KCTD1: variants seen among roughly 807,000 people sequenced by gnomAD.
KCTD1 encodes the protein BTB/POZ domain-containing protein KCTD1.
Under a neutral mutation model 66.0 loss-of-function variants are expected in KCTD1, and 24 were observed. The observed-to-expected ratio is 0.36, with a 90% CI of 0.26 to 0.51. KCTD1 has a LOEUF of 0.51. Ranked by LOEUF, KCTD1 falls within the 20% of genes least tolerant of loss-of-function variation. The probability of loss-of-function intolerance (pLI) is 0.95; values close to 1 mark genes in which losing one functional copy is unlikely to be tolerated. For synonymous variants in KCTD1, 511 were observed against 517.2 expected (o/e 0.99, Z 0.16); for missense variants, 943 against 1,205.2 (o/e 0.78, Z 3.22).
intron 2 of KCTD1, among the ~76,000 whole-genome samples, chr18:26,478,699 G>A (rs905398388): frequency 1.3e-5 from 2 of 152,228 alleles, no homozygotes; most frequent in African/African-American, 4.8e-5. Context: ...AGTGCGGAAT[G>A]AGAATGGGGT....
At chr18:26,519,881 A>G (rs1313055731) in intron 1 of KCTD1, among the ~76,000 whole-genome samples, 1 of 152,236 alleles carries the variant, frequency 6.6e-6, no homozygotes, top group African/African-American at 2.4e-5. Context: ...TTCGGAGCCA[A>G]TTGCTGCCAT....
At chr18:26,617,584 T>A (rs1407094813) in intron 1 of KCTD1, among the ~76,000 whole-genome samples, 1 of 152,202 alleles carries the variant, frequency 6.6e-6, no homozygotes, top group Non-Finnish European at 1.5e-5. Flanking sequence ...TGACATGTAT[T>A]TTAAGTAGCC....
intron 1 of KCTD1, among the ~76,000 whole-genome samples, chr18:26,568,651 T>C (rs755554414): frequency 1.3e-5 from 2 of 152,186 alleles, no homozygotes; most frequent in African/African-American, 2.4e-5. Context: ...CACTGTAGAA[T>C]AGTACAAATA....
intron 1 of KCTD1, among the ~76,000 whole-genome samples, chr18:26,519,435 T>G (rs1983811256): frequency 6.6e-6 from 1 of 152,234 alleles, no homozygotes; most frequent in Non-Finnish European, 1.5e-5. Flanking sequence ...TTAAAAAATA[T>G]TCTAAGTTAT....
chr18:26,496,887 T>A (rs1014819875), intron 2 of KCTD1, among the ~76,000 whole-genome samples: 6 of 152,166 alleles, frequency 3.9e-5, no homozygotes, highest in African/African-American at 1.2e-4. Context: ...GCCTACATTC[T>A]CCAGAAGGGA....
intron 2 of KCTD1, among the ~76,000 whole-genome samples, chr18:26,482,169 C>T (rs8083173): frequency 0.03 from 4,508 of 152,244 alleles, 226 homozygotes; most frequent in African/African-American, 0.1. Context: ...TTCAAGCTTA[C>T]GGGGGACAAT....
chr18:26,608,415 T>C (rs1987063959), intron 1 of KCTD1, among the ~76,000 whole-genome samples: 1 of 152,204 alleles, frequency 6.6e-6, no homozygotes, highest in Admixed American at 6.5e-5. Context: ...TAGAGCTTCA[T>C]TTGTTATGTG....
chr18:26,655,690 C>T (rs1427309907), intron 1 of KCTD1: 1 of 152,220 alleles, frequency 6.6e-6, no homozygotes, highest in Non-Finnish European at 1.5e-5. Flanking sequence ...CAGCCGAACC[C>T]CGAAGCACAG....
intron 1 of KCTD1, among the ~76,000 whole-genome samples, chr18:26,637,517 C>A (rs1386346976): frequency 1.3e-5 from 2 of 152,190 alleles, no homozygotes; most frequent in Non-Finnish European, 2.9e-5. Context: ...AGTGTGGTCA[C>A]CCTCCCCTCT....
In KCTD1 at chr18:26,531,848, C is replaced by T. The variant is rs1309044867; in HGVS notation, c.1809+14880G>A. On this transcript the variant is annotated intron_variant, in intron 1 of 4. Coordinates refer to ENST00000580059, the MANE Select transcript of KCTD1 (RefSeq NM_001142730.3). ...CCCAAGCTGATCTCATTCTCCAAAG[C>T]TAATCCCACGATTCTTTAGCATTAC... Among the ~76,000 whole-genome samples, 7 of 152,338 alleles carry T rather than the reference C, an allele frequency of 4.6e-5. No homozygotes were observed. In the South Asian group the frequency reaches 1.2e-3, roughly 27 times the overall value.
chr18:26,637,391 G>A (rs536294654), intron 1 of KCTD1, among the ~76,000 whole-genome samples: 22 of 152,334 alleles, frequency 1.4e-4, no homozygotes, highest in Middle Eastern at 3.4e-3. Context: ...CAAATGGCAA[G>A]AGGACTATCC....
intron 1 of KCTD1, among the ~76,000 whole-genome samples, chr18:26,582,250 G>GT (rs1986371193): frequency 6.9e-6 from 1 of 145,130 alleles, no homozygotes; most frequent in African/African-American, 2.6e-5. Flanking sequence ...TCCAACCTAG[G>GT]TGACAGAGTG....
chr18:26,629,292 C>T (rs76787123), upstream of KCTD1: 46,628 of 755,046 alleles, frequency 0.062, 2,377 homozygotes, highest in East Asian at 0.3. Flanking sequence ...AGCCTCTGCC[C>T]TGCAAGCTAA....
chr18:26,567,422 G>C (rs1423608520), intron 1 of KCTD1, among the ~76,000 whole-genome samples: 3 of 151,826 alleles, frequency 2.0e-5, no homozygotes, highest in African/African-American at 7.3e-5. Flanking sequence ...GTGGGGATGA[G>C]AGGGAAATGC....
chr18:26,547,939 C>T lies in KCTD1; in HGVS notation c.598G>A (p.Asp200Asn). The change falls in exon 1 of 5, where the codon GAC becomes AAC. Residue 200 changes from aspartate (D) to asparagine (N), a missense_variant. By Grantham distance (23) the Asp-to-Asn change is conservative. Coordinates refer to ENST00000580059, the MANE Select transcript of KCTD1 (RefSeq NM_001142730.3). ...KAQSPDFETM[D>N]KGALCRVLRS... The stretch of plus-strand genomic sequence containing the variant: ...AGCACGCGGCACAGCGCCCCCTTGT[C>T]CATGGTCTCGAAGTCCGGGCTCTGC... The T allele has an allele frequency of 6.5e-7, 1 of 1,543,484 alleles. No homozygotes were observed. The highest frequency in any genetic ancestry group is 8.7e-7 in the Non-Finnish European group (1 of 1,146,782).
chr18:26,646,933 T>C (rs1284415893), intron 1 of KCTD1, among the ~76,000 whole-genome samples: 1 of 152,164 alleles, frequency 6.6e-6, no homozygotes, highest in African/African-American at 2.4e-5. Flanking sequence ...AAGGTGGAAG[T>C]GTGCAGAATT....
intron 1 of KCTD1, among the ~76,000 whole-genome samples, chr18:26,519,671 G>C (rs193087253): frequency 6.6e-6 from 1 of 152,042 alleles, no homozygotes; most frequent in African/African-American, 2.4e-5. Context: ...TCATGTACTC[G>C]GACTGTGGGT....
intron 1 of KCTD1, chr18:26,566,042 G>C (rs1311652674): frequency 6.6e-6 from 1 of 151,974 alleles, no homozygotes; most frequent in Non-Finnish European, 1.5e-5. Flanking sequence ...AACCCTATGG[G>C]ATTCATTGTA....
chr18:26,649,507 G>GT (rs1987989331), intron 1 of KCTD1, among the ~76,000 whole-genome samples: 2 of 151,900 alleles, frequency 1.3e-5, no homozygotes, highest in African/African-American at 2.4e-5. Context: ...CAGCTTTTTT[G>GT]TTTTTTTGTG....
Sources: allele counts gnomAD v4.1 joint callset (sites outside exome capture counted in the v4.1 genomes callset), GRCh38; gene constraint gnomAD v4.1.1; transcripts MANE v1.5; gene names NCBI Gene and HGNC (gene_info 2026-07-23, HGNC 2026-07-21).